The following TOX variants were observed in gnomAD, a reference collection of about 807,000 sequenced individuals.
The protein encoded by TOX is thymocyte selection-associated high mobility group box protein TOX.
TOX carries 11 observed loss-of-function variants against 53.7 expected under a neutral mutation model. The ratio of observed to expected loss-of-function variants is 0.20; its 90% CI spans 0.13 to 0.34. The LOEUF (loss-of-function observed/expected upper bound fraction) is 0.34. Among genes scored for constraint, TOX ranks in the 10% least tolerant of loss-of-function variants. The probability of loss-of-function intolerance (pLI) is 1.00; values close to 1 mark genes in which losing one functional copy is unlikely to be tolerated. For synonymous variants in TOX, 225 were observed against 245.3 expected, an observed-to-expected ratio of 0.92 and a Z score of 0.77; for missense variants, 570 against 664.6, an observed-to-expected ratio of 0.86 and a Z score of 1.56.
intron 1 of TOX, among the ~76,000 whole-genome samples, chr8:59,002,315 G>C (rs1246652216): frequency 6.6e-6 from 1 of 150,612 alleles, no homozygotes; most frequent in African/African-American, 2.4e-5. Flanking sequence ...ACATAGGGCC[G>C]GGCACAGTGG....
intron 1 of TOX, among the ~76,000 whole-genome samples, chr8:59,076,341 T>C (rs746414352): frequency 2.0e-5 from 3 of 152,208 alleles, no homozygotes; most frequent in Non-Finnish European, 4.4e-5. Flanking sequence ...CTTCTCACTA[T>C]TGGAAAAACC....
chr8:59,011,981 G>C (rs1010613205), intron 1 of TOX, among the ~76,000 whole-genome samples: 4 of 152,284 alleles, frequency 2.6e-5, no homozygotes, highest in Non-Finnish European at 4.4e-5. Context: ...CAGAAGCTCA[G>C]TTACAACATG....
intron 1 of TOX, among the ~76,000 whole-genome samples, chr8:58,979,005 T>C (rs951567402): frequency 6.6e-6 from 1 of 152,246 alleles, no homozygotes; most frequent in Admixed American, 6.5e-5. Flanking sequence ...ATCCTACTTG[T>C]AGTCCCTACC....
chr8:58,904,799 T>C (rs536584284), intron 3 of TOX, among the ~76,000 whole-genome samples: 5 of 152,342 alleles, frequency 3.3e-5, no homozygotes, highest in African/African-American at 4.8e-5. Flanking sequence ...AATATATTTA[T>C]TGAATGGATG....
intron 1 of TOX, among the ~76,000 whole-genome samples, chr8:59,090,999 T>C (rs893801589): frequency 2.0e-5 from 3 of 152,168 alleles, no homozygotes; most frequent in Admixed American, 6.5e-5. Flanking sequence ...GGTTTTCCCA[T>C]GTGCTCCTTC....
intron 1 of TOX, among the ~76,000 whole-genome samples, chr8:59,103,148 G>A (rs867841017): frequency 6.6e-6 from 1 of 152,092 alleles, no homozygotes; most frequent in African/African-American, 2.4e-5. Flanking sequence ...TCGGCCTGGG[G>A]CACCAGCAAC....
At chr8:58,995,318 C>A (rs1167755309) in intron 1 of TOX, among the ~76,000 whole-genome samples, 1 of 152,154 alleles carries the variant, frequency 6.6e-6, no homozygotes, top group Non-Finnish European at 1.5e-5. Context: ...AAAGATGAAA[C>A]TTCTATTTCA....
chr8:58,816,588 C>T (rs1484469910), intron 6 of TOX, among the ~76,000 whole-genome samples: 1 of 151,970 alleles, frequency 6.6e-6, no homozygotes, highest in Non-Finnish European at 1.5e-5. Context: ...ATAAAACAAC[C>T]AAAGGTAGCA....
chr8:58,812,946 A>C (rs183858341), intron 7 of TOX, among the ~76,000 whole-genome samples: 15 of 152,336 alleles, frequency 9.8e-5, no homozygotes, highest in Non-Finnish European at 1.8e-4. Flanking sequence ...TTGACTACTT[A>C]CCATGATCAA....
intron 1 of TOX, among the ~76,000 whole-genome samples, chr8:59,037,173 T>G (rs1331731979): frequency 2.0e-5 from 3 of 151,954 alleles, no homozygotes; most frequent in African/African-American, 7.3e-5. Flanking sequence ...GCTCCTTTTT[T>G]TTTTTTTCAC....
intron 3 of TOX, among the ~76,000 whole-genome samples, chr8:58,870,692 C>G (rs1811182532): frequency 6.6e-6 from 1 of 151,874 alleles, no homozygotes; most frequent in Non-Finnish European, 1.5e-5. Flanking sequence ...ACACATAGAT[C>G]AATGGAACAG....
At chr8:59,015,552 C>T (rs1423745030) in intron 1 of TOX, among the ~76,000 whole-genome samples, 1 of 152,090 alleles carries the variant, frequency 6.6e-6, no homozygotes, top group African/African-American at 2.4e-5. Context: ...CTTTCTAGAA[C>T]TGATTTCATT....
At chr8:58,832,162 G>GTAATATA (rs1044923168) in intron 5 of TOX, among the ~76,000 whole-genome samples, 2 of 114,494 alleles carry the variant, frequency 1.7e-5, no homozygotes, top group East Asian at 3.0e-4. Context: ...TATAATATAT[G>GTAATATA]TAATATATGT....
At chr8:59,012,617 G>C (rs1350258232) in intron 1 of TOX, among the ~76,000 whole-genome samples, 1 of 152,058 alleles carries the variant, frequency 6.6e-6, no homozygotes, top group Non-Finnish European at 1.5e-5. Context: ...AAGGCTTCTG[G>C]AATTATAACT....
intron 1 of TOX, among the ~76,000 whole-genome samples, chr8:59,003,374 T>C (rs1029845784): frequency 1.2e-4 from 19 of 152,240 alleles, no homozygotes; most frequent in Admixed American, 6.5e-5. Context: ...TACAGTTTAT[T>C]ACACGCTGCA....
At chr8:59,059,656 G>C (rs1279491206) in intron 1 of TOX, among the ~76,000 whole-genome samples, 2 of 152,116 alleles carry the variant, frequency 1.3e-5, no homozygotes, top group Non-Finnish European at 2.9e-5. Context: ...TACATTATTT[G>C]TCAAGGAAAA....
At chr8:59,012,927 A>C (rs1364690379) in intron 1 of TOX, among the ~76,000 whole-genome samples, 1 of 152,104 alleles carries the variant, frequency 6.6e-6, no homozygotes, top group East Asian at 1.9e-4. Flanking sequence ...AGGTTAAAAA[A>C]AAAAAAAAAA....
At chr8:58,932,000 C>G (rs911704334) in intron 3 of TOX, among the ~76,000 whole-genome samples, 1 of 152,050 alleles carries the variant, frequency 6.6e-6, no homozygotes, top group Non-Finnish European at 1.5e-5. Context: ...AGCCCCAAAT[C>G]GTTAACATAC....
intron 3 of TOX, among the ~76,000 whole-genome samples, chr8:58,901,547 A>G (rs1453793995): frequency 6.6e-6 from 1 of 152,188 alleles, no homozygotes; most frequent in Non-Finnish European, 1.5e-5. Flanking sequence ...ACTGAGTTGT[A>G]GTAATTGCAT....
Sources: allele counts gnomAD v4.1 joint callset (sites outside exome capture counted in the v4.1 genomes callset), GRCh38; gene constraint gnomAD v4.1.1; transcripts MANE v1.5; gene names NCBI Gene and HGNC (gene_info 2026-07-23, HGNC 2026-07-21).